The following STON1 variants were observed in gnomAD, a reference collection of about 807,000 sequenced individuals.
STON1 encodes stonin 1.
STON1 carries 79 observed loss-of-function variants against 60.9 expected under a neutral mutation model. The ratio of observed to expected loss-of-function variants is 1.30; its 90% CI spans 1.08 to 1.56. The LOEUF is 1.56. Among genes scored for constraint, STON1 ranks in the 40% most tolerant of loss-of-function variants. STON1 has a pLI of 0.00. For synonymous variants in STON1, 363 were observed against 306.9 expected (o/e 1.18, Z -1.91); for missense variants, 1,166 against 858.9 (o/e 1.36, Z -4.47).
At chr2:48,533,131 C>G (rs1271028663) in intron 1 of STON1, among the ~76,000 whole-genome samples, 2 of 152,082 alleles carry the variant, frequency 1.3e-5, no homozygotes, top group Admixed American at 6.6e-5. Context: ...CGCTTGTAAT[C>G]CCAGCACTTG....
intron 1 of STON1, among the ~76,000 whole-genome samples, chr2:48,552,569 C>T (rs1224121840): frequency 3.3e-5 from 5 of 151,928 alleles, no homozygotes; most frequent in Non-Finnish European, 7.4e-5. Context: ...TCGGGACCAG[C>T]CTTGCCAACA....
At chr2:48,556,988 C>T (rs1333415075) in intron 1 of STON1, among the ~76,000 whole-genome samples, 4 of 71,854 alleles carry the variant, frequency 5.6e-5, no homozygotes, top group African/African-American at 1.6e-4. Flanking sequence ...CCCCCCACCT[C>T]CCTCCTGGAC....
At chr2:48,535,280 A>G (rs1370812727) in intron 1 of STON1, among the ~76,000 whole-genome samples, 1 of 152,244 alleles carries the variant, frequency 6.6e-6, no homozygotes, top group Non-Finnish European at 1.5e-5. Context: ...TGAACACACA[A>G]CAATAAATTA....
chr2:48,559,415 G>A (rs547499375), intron 1 of STON1, among the ~76,000 whole-genome samples: 23 of 152,174 alleles, frequency 1.5e-4, no homozygotes, highest in African/African-American at 4.3e-4. Flanking sequence ...CTCAGATGGC[G>A]GAAGGGACAA....
At chr2:48,578,857 C>T (rs1673703388) in intron 1 of STON1, among the ~76,000 whole-genome samples, 1 of 151,820 alleles carries the variant, frequency 6.6e-6, no homozygotes, top group Non-Finnish European at 1.5e-5. Flanking sequence ...TCCCAAAGTG[C>T]TGGGATTATA....
At position 48,595,855 on chromosome 2, in the gene STON1, T is replaced by G. The variant is rs1674763071; in HGVS notation, c.*553T>G. 1 of 152,694 alleles carries G rather than the reference T, an allele frequency of 6.5e-6. No homozygotes were observed. Among genetic ancestry groups the G allele is most frequent in the South Asian group, 2.1e-4 (1 of 4,842 alleles). The allele number at this position is 152,694 out of a possible 1,614,324, so 9.5% of individuals were successfully genotyped here. On this transcript the variant is annotated 3_prime_UTR_variant, in exon 4 of 4. Transcript: ENST00000404752. ...TTGAATTACTTATTTACCTGTCCTCTTACCGTTGGTAAATAATAATTGGCT... is the reference window on the plus strand; with the variant it reads ...TTGAATTACTTATTTACCTGTCCTCGTACCGTTGGTAAATAATAATTGGCT...
Position 48,571,719 on chromosome 2 carries a change from G to A in STON1, c.-47-8868G>A, listed in dbSNP as rs571211767. ...CCCTTTCCTATGAGAGGATTAGGAG[G>A]GAAGGAAAGGGAAAGAAGGTGCTGC... On this transcript the variant is annotated intron_variant, in intron 1 of 3. Transcript: ENST00000404752. 2.2e-4 allele frequency among the ~76,000 whole-genome samples: 33 copies of A among 152,276 alleles called. No homozygotes were observed. In the South Asian group the frequency reaches 6.8e-3, roughly 32 times the overall value.
At chr2:48,594,085 G>T (rs537985205) in intron 3 of STON1, among the ~76,000 whole-genome samples, 1 of 152,224 alleles carries the variant, frequency 6.6e-6, no homozygotes, top group South Asian at 2.1e-4. Flanking sequence ...TGACTACATT[G>T]CATCCCAGCT....
chr2:48,555,312 CGGGG>C (rs562013562), intron 1 of STON1, among the ~76,000 whole-genome samples: 1 of 11,882 alleles, frequency 8.4e-5, no homozygotes, highest in Non-Finnish European at 1.7e-4. Flanking sequence ...GCTGGCCGGG[CGGGG>C]GGGGCTGACC....
intron 2 of STON1, among the ~76,000 whole-genome samples, chr2:48,588,948 G>C (rs1189090234): frequency 1.3e-5 from 2 of 152,102 alleles, no homozygotes; most frequent in Non-Finnish European, 2.9e-5. Context: ...GAGGAGCTTA[G>C]GCTTTGTTGG....
intron 1 of STON1, among the ~76,000 whole-genome samples, chr2:48,564,480 T>TTTCTTCTTCTTCTTCTTCTTC (rs869188236): frequency 3.1e-5 from 1 of 32,492 alleles, no homozygotes; most frequent in Non-Finnish European, 6.5e-5. Context: ...CTTCTTCTTC[T>TTTCTTCTTCTTCTTCTTCTTC]TTCTTCTTCT....
chr2:48,594,735 C>T (rs930058564), intron 3 of STON1, among the ~76,000 whole-genome samples: 3 of 152,076 alleles, frequency 2.0e-5, no homozygotes, highest in African/African-American at 7.2e-5. Flanking sequence ...AGATGGTTTA[C>T]TATTAGGTTG....
intron 2 of STON1, among the ~76,000 whole-genome samples, chr2:48,590,175 A>G (rs1189693406): frequency 1.3e-5 from 2 of 152,308 alleles, no homozygotes; most frequent in East Asian, 3.9e-4. Flanking sequence ...TATGAGAATG[A>G]AGTTATCACT....
At chr2:48,530,397 G>T in intron 1 of STON1, 181 bp downstream of exon 1, 1 of 238,714 alleles carries the variant, frequency 4.2e-6, no homozygotes, top group Non-Finnish European at 8.1e-6. Flanking sequence ...GCGCCCTGGG[G>T]CCCGCAGAGG....
chr2:48,532,429 AG>A (rs1368156067), intron 1 of STON1, among the ~76,000 whole-genome samples: 2 of 57,294 alleles, frequency 3.5e-5, no homozygotes, highest in Non-Finnish European at 6.2e-5. Context: ...CCATTCAAAA[AG>A]TAAGTCCAAA....
rs1206846357 is a variant in STON1, at chr2:48,555,256, G to A, written c.-48+25040G>A. On this transcript the variant is annotated intron_variant, in intron 1 of 3. Transcript: ENST00000404752. ...GAGCTGTTGGGCACACCTCCCAGAC[G>A]GGGAGGTGGCTGGGCAGAGGCGCCC... 3.7e-5 allele frequency among the ~76,000 whole-genome samples: 4 copies of A among 108,690 alleles called. 1 individual carries two copies. Among genetic ancestry groups the A allele is most frequent in the African/African-American group, 1.4e-4 (4 of 29,228 alleles). The allele number at this position is 108,690 out of a possible 152,430, so 71.3% of individuals were successfully genotyped here. A position where few individuals can be genotyped will look rare whatever the true frequency, so the allele number is the denominator to read the frequency against.
intron 2 of STON1, among the ~76,000 whole-genome samples, chr2:48,583,339 T>C (rs1029170852): frequency 2.6e-5 from 4 of 152,194 alleles, no homozygotes; most frequent in African/African-American, 7.2e-5. Flanking sequence ...TCCTCCCACA[T>C]TGGCCTCCCA....
chr2:48,558,965 G>A (rs551163733), intron 1 of STON1, among the ~76,000 whole-genome samples: 101 of 152,264 alleles, frequency 6.6e-4, no homozygotes, highest in Non-Finnish European at 1.2e-3. Context: ...GGACCTTTTC[G>A]AATGCTGACC....
chr2:48,573,732 G>C (rs1340597488), intron 1 of STON1, among the ~76,000 whole-genome samples: 3 of 152,180 alleles, frequency 2.0e-5, no homozygotes, highest in Admixed American at 2.0e-4. Flanking sequence ...AATATTCAGA[G>C]CAGCATTTTT....
Sources: gnomAD v4.1 joint callset for allele counts (sites outside exome capture counted in the v4.1 genomes callset) on GRCh38, gnomAD v4.1.1 for gene constraint, MANE v1.5 for transcripts, NCBI Gene and HGNC (gene_info 2026-07-23, HGNC 2026-07-21) for gene names.